The following SCP2 variants were observed in gnomAD, a reference collection of about 807,000 sequenced individuals.
The protein encoded by SCP2 is sterol carrier protein 2.
Under a neutral mutation model 71.4 loss-of-function variants are expected in SCP2, and 48 were observed. The ratio of observed to expected loss-of-function variants is 0.67; its 90% CI spans 0.53 to 0.86. SCP2 has a LOEUF of 0.86. Ranked by LOEUF, SCP2 falls within the 40% of genes least tolerant of loss-of-function variation. SCP2 has a pLI of 0.00. For missense variants in SCP2, 560 were observed against 655.6 expected, an observed-to-expected ratio of 0.85 and a Z score of 1.59; for synonymous variants, 220 against 218.1, an observed-to-expected ratio of 1.01 and a Z score of -0.08.
At chr1:52,962,286 G>A (rs945386878) in intron 6 of SCP2, among the ~76,000 whole-genome samples, 5 of 152,098 alleles carry the variant, frequency 3.3e-5, no homozygotes, top group Non-Finnish European at 5.9e-5. Context: ...CAATATATCA[G>A]CAAGCCTTTT....
chr1:53,034,981 T>A (rs926708346), intron 13 of SCP2, among the ~76,000 whole-genome samples: 1 of 152,084 alleles, frequency 6.6e-6, no homozygotes, highest in Non-Finnish European at 1.5e-5. Flanking sequence ...GGCGGGCACC[T>A]GTAGTCCCAG....
At chr1:53,040,579 G>T (rs896211235) in intron 14 of SCP2, among the ~76,000 whole-genome samples, 1 of 152,106 alleles carries the variant, frequency 6.6e-6, no homozygotes, top group African/African-American at 2.4e-5. Flanking sequence ...AAATTAGCCA[G>T]GCGTAGTGGC....
intron 5 of SCP2, among the ~76,000 whole-genome samples, chr1:52,959,196 A>C (rs993402805): frequency 1.2e-4 from 18 of 151,702 alleles, no homozygotes; most frequent in Non-Finnish European, 2.2e-4. Flanking sequence ...TCTTTAAAAA[A>C]AATTTTTTTT....
rs915161129 is a variant in SCP2 at position 53,014,828 on chromosome 1, T to C, written c.1082-62T>C. On this transcript the variant is annotated intron_variant, in intron 11 of 15. Transcript: ENST00000371514. The stretch of plus-strand genomic sequence containing the variant: ...ATGCTTTAATTTAAAGTCACAAACA[T>C]CCCTTTTCTGGCTTGAGAAAGCTGG... 55 of 1,583,338 alleles carry C rather than the reference T, an allele frequency of 3.5e-5. 1 individual carries two copies. In the African/African-American group the frequency reaches 6.9e-4, roughly 20 times the overall value.
chr1:53,037,902 A>ACACACACACACACCCC (rs969906190), intron 13 of SCP2, among the ~76,000 whole-genome samples: 2 of 108,422 alleles, frequency 1.8e-5, no homozygotes, highest in African/African-American at 9.3e-5. Context: ...ACACACACAC[A>ACACACACACACACCCC]CACACACACA....
At position 52,969,819 on chromosome 1, in the gene SCP2, T is replaced by TCAAACAAA. The variant is rs75238032; in HGVS notation, c.524-4929_524-4922dup. 4.0e-3 allele frequency among the ~76,000 whole-genome samples: 600 copies of TCAAACAAA among 150,152 alleles called. 3 individuals carry two copies. The highest frequency in any genetic ancestry group is 9.6e-3 in the African/African-American group (394 of 40,922). On this transcript the variant is annotated intron_variant, in intron 6 of 15. Coordinates refer to ENST00000371514, the MANE Select transcript of SCP2 (RefSeq NM_002979.5). Reference sequence around the variant, plus strand: ...CCGGGCGGCAGAGCTAGACTCCATCTCAAACAAACAAACAAACAAACAAAC... The same window carrying TCAAACAAA: ...CCGGGCGGCAGAGCTAGACTCCATCTCAAACAAACAAACAAACAAACAAACAAACAAAC...
chr1:53,006,264 A>G (rs1238001660), intron 11 of SCP2, among the ~76,000 whole-genome samples: 5 of 152,210 alleles, frequency 3.3e-5, no homozygotes, highest in Admixed American at 3.3e-4. Flanking sequence ...ATTCAAATTC[A>G]GGAAATACAT....
At chr1:52,974,659 G>T (rs1024542461) in intron 6 of SCP2, 110 bp from the exon 7 acceptor site, 6 of 756,868 alleles carry the variant, frequency 7.9e-6, no homozygotes. Context: ...TGATATATAT[G>T]AAAGGGAAAA....
chr1:53,025,436 T>C (rs1662056087), intron 12 of SCP2, among the ~76,000 whole-genome samples: 1 of 152,224 alleles, frequency 6.6e-6, no homozygotes, highest in African/African-American at 2.4e-5. Context: ...CTCCAGACTC[T>C]CATATCCATG....
At chr1:52,960,434 G>A (rs1248453823) in intron 5 of SCP2, among the ~76,000 whole-genome samples, 1 of 151,358 alleles carries the variant, frequency 6.6e-6, no homozygotes, top group Admixed American at 6.6e-5. Context: ...GCCTGCCAAA[G>A]TGTTGGGATT....
chr1:52,955,386 CAGA>C (rs1258639126), intron 5 of SCP2, among the ~76,000 whole-genome samples: 3 of 152,090 alleles, frequency 2.0e-5, no homozygotes, highest in Non-Finnish European at 4.4e-5. Context: ...TTCCCAAGAT[CAGA>C]AGTTTAATAC....
At position 52,950,956 on chromosome 1, in the gene SCP2, G is replaced by A. The variant is rs917132114; in HGVS notation, c.331+70G>A. 4 of 1,490,092 alleles carry A rather than the reference G, an allele frequency of 2.7e-6. No individual in the cohort carries two copies. In the African/African-American group the frequency reaches 5.5e-5, roughly 21 times the overall value. The allele number at this position is 1,490,092 out of a possible 1,614,324, so 92.3% of individuals were successfully genotyped here. On this transcript the variant is annotated intron_variant, in intron 4 of 15. Coordinates refer to ENST00000371514, the MANE Select transcript of SCP2 (RefSeq NM_002979.5). Reference sequence around the variant, plus strand: ...ATCATTTAATCACACGACCATCAGAGGAATTATTTTATAATGTATTTGTTT... The same window carrying A: ...ATCATTTAATCACACGACCATCAGAAGAATTATTTTATAATGTATTTGTTT...
chr1:53,046,753 A>T (rs1311701178), intron 14 of SCP2, among the ~76,000 whole-genome samples: 1 of 152,216 alleles, frequency 6.6e-6, no homozygotes, highest in African/African-American at 2.4e-5. Context: ...CAGGGGCAGA[A>T]TTGGGTAGTT....
intron 1 of SCP2, among the ~76,000 whole-genome samples, chr1:52,935,785 A>C (rs987657421): frequency 6.6e-6 from 1 of 151,808 alleles, no homozygotes; most frequent in African/African-American, 2.4e-5. Context: ...AAAAGATAGA[A>C]AAATTAGCTG....
At chr1:52,977,116 A>C (rs1450851379) in intron 8 of SCP2, among the ~76,000 whole-genome samples, 1 of 152,192 alleles carries the variant, frequency 6.6e-6, no homozygotes, top group Non-Finnish European at 1.5e-5. Context: ...AGGAAATTCT[A>C]CTCTATAATA....
chr1:53,037,530 G>C (rs60130096), intron 13 of SCP2, among the ~76,000 whole-genome samples: 9,657 of 152,118 alleles, frequency 0.063, 856 homozygotes, highest in African/African-American at 0.2. Flanking sequence ...AAAAAAAAGA[G>C]GACGGGAGGG....
rs1036502025 is a variant in SCP2 at position 52,974,663 on chromosome 1, G to C, written c.524-106G>C. 33 of 763,336 alleles carry C rather than the reference G, an allele frequency of 4.3e-5. 1 individual carries two copies. Among genetic ancestry groups the C allele is most frequent in the South Asian group, 4.1e-4 (30 of 72,432 alleles). The allele number at this position is 763,336 out of a possible 1,614,324, so 47.3% of individuals were successfully genotyped here. A position where few individuals can be genotyped will look rare whatever the true frequency, so the allele number is the denominator to read the frequency against. ...TTTAATACTGATGATATATATGAAAGGGAAAATATGGAGATATTTAGCAGA... is the reference window on the plus strand; with the variant it reads ...TTTAATACTGATGATATATATGAAACGGAAAATATGGAGATATTTAGCAGA... On this transcript the variant is annotated intron_variant, in intron 6 of 15. Transcript: ENST00000371514.
In SCP2 at chr1:52,976,758, CT is replaced by C; in HGVS notation, c.665del (p.Leu222TyrfsTer38). ...SKEVFDFLTI[L>X]QCCPTSDGAA... ...AAGAAGTTTTTGATTTTTTGACTAT[CT>C]TACAATGTTGGTAAGAAAAATATAT... On this transcript the variant is annotated frameshift_variant, in exon 8 of 16. Coordinates refer to ENST00000371514, the MANE Select transcript of SCP2 (RefSeq NM_002979.5). LOFTEE classifies it high-confidence loss of function. 2 of 1,465,594 alleles carry C rather than the reference CT, an allele frequency of 1.4e-6. No individual in the cohort carries two copies. Among genetic ancestry groups the C allele is most frequent in the Non-Finnish European group, 1.9e-6 (2 of 1,045,226 alleles). 90.8% of individuals were successfully genotyped at this position (1,465,594 alleles called of 1,614,324 possible).
At chr1:53,033,370 AGGTGGGT>A (rs1662686294) in intron 13 of SCP2, among the ~76,000 whole-genome samples, 1 of 152,200 alleles carries the variant, frequency 6.6e-6, no homozygotes. Context: ...TGGAAGGCCG[AGGTGGGT>A]GGATCACTTG....
Sources: gnomAD v4.1 joint callset for allele counts (sites outside exome capture counted in the v4.1 genomes callset) on GRCh38, gnomAD v4.1.1 for gene constraint, MANE v1.5 for transcripts, NCBI Gene and HGNC (gene_info 2026-07-23, HGNC 2026-07-21) for gene names.